The following PAK5 variants were observed in gnomAD, a reference collection of about 807,000 sequenced individuals.
The protein encoded by PAK5 is serine/threonine-protein kinase PAK 5.
In PAK5, 16 loss-of-function variants were observed where a neutral mutation model predicts 65.9. The observed-to-expected ratio is 0.24, with a 90% CI of 0.16 to 0.37. PAK5 has a LOEUF of 0.37. PAK5 is among the 10% of genes least tolerant of loss of function. The pLI is 1.00. For synonymous variants in PAK5, 371 were observed against 354.9 expected (o/e 1.05, Z -0.51); for missense variants, 785 against 903.9 (o/e 0.87, Z 1.69).
chr20:9,600,361 A>T (rs2046338735), intron 3 of PAK5, among the ~76,000 whole-genome samples: 1 of 152,130 alleles, frequency 6.6e-6, no homozygotes, highest in African/African-American at 2.4e-5. Flanking sequence ...GAATTTTAGG[A>T]TGGTTTTCCT....
chr20:9,774,615 A>G (rs1345610231), intron 1 of PAK5, among the ~76,000 whole-genome samples: 1 of 152,178 alleles, frequency 6.6e-6, no homozygotes, highest in Non-Finnish European at 1.5e-5. Context: ...TCTTCATCAG[A>G]TGAATGAATA....
intron 3 of PAK5, among the ~76,000 whole-genome samples, chr20:9,605,756 C>A (rs2046442253): frequency 6.6e-6 from 1 of 152,098 alleles, no homozygotes; most frequent in African/African-American, 2.4e-5. Context: ...TGGTAAGACC[C>A]CGTCTCTACT....
At chr20:9,664,176 G>A (rs969204527) in intron 2 of PAK5, among the ~76,000 whole-genome samples, 8 of 152,166 alleles carry the variant, frequency 5.3e-5, no homozygotes, top group Non-Finnish European at 5.9e-5. Context: ...ATAGAGTGAC[G>A]TGTCTTCTCT....
chr20:9,605,072 A>C (rs1021361758), intron 3 of PAK5, among the ~76,000 whole-genome samples: 1 of 152,170 alleles, frequency 6.6e-6, no homozygotes, highest in Admixed American at 6.5e-5. Context: ...AATGAGAGAA[A>C]TCCACATTGG....
intron 2 of PAK5, among the ~76,000 whole-genome samples, chr20:9,693,739 A>G (rs550861471): frequency 2.0e-5 from 3 of 152,172 alleles, no homozygotes; most frequent in Admixed American, 1.3e-4. Flanking sequence ...AACACTTTAT[A>G]AAGATACGCA....
At chr20:9,706,199 G>A (rs967689996) in intron 2 of PAK5, among the ~76,000 whole-genome samples, 3 of 152,068 alleles carry the variant, frequency 2.0e-5, no homozygotes, top group Non-Finnish European at 4.4e-5. Context: ...CTAGAGCCTC[G>A]GAATTTGCTT....
chr20:9,653,273 G>T lies in PAK5; in HGVS notation c.-11-8934C>A, dbSNP rs1250277306. Reference sequence around the variant, plus strand: ...CTCAGAAAAACTGCATGGAAAGTGTGTTAAATATAACAATCAAAAGCCACT... The same window carrying T: ...CTCAGAAAAACTGCATGGAAAGTGTTTTAAATATAACAATCAAAAGCCACT... On this transcript the variant is annotated intron_variant, in intron 2 of 9. Coordinates refer to ENST00000353224, the MANE Select transcript of PAK5 (RefSeq NM_177990.4). Among the ~76,000 whole-genome samples the T allele has an allele frequency of 2.0e-5, 3 of 152,260 alleles. No individual in the cohort carries two copies. The East Asian group carries it at 5.8e-4, about 29-fold the overall frequency.
At chr20:9,635,087 G>C (rs1353860628) in intron 3 of PAK5, among the ~76,000 whole-genome samples, 1 of 152,010 alleles carries the variant, frequency 6.6e-6, no homozygotes, top group Non-Finnish European at 1.5e-5. Context: ...TTTTATAATT[G>C]CTTTTACTTT....
intron 1 of PAK5, among the ~76,000 whole-genome samples, chr20:9,724,338 C>T (rs1483481207): frequency 2.0e-5 from 3 of 152,176 alleles, no homozygotes; most frequent in Non-Finnish European, 4.4e-5. Context: ...CCTTCAGCTA[C>T]TTATTTGTCA....
At chr20:9,563,156 A>G (rs943548397) in intron 5 of PAK5, 132 bp from the exon 6 acceptor site, 5 of 811,482 alleles carry the variant, frequency 6.2e-6, no homozygotes, top group Non-Finnish European at 1.0e-5. Flanking sequence ...CAGAAAATCT[A>G]TTACAGACAA....
chr20:9,698,282 G>A (rs1205585224), intron 2 of PAK5, among the ~76,000 whole-genome samples: 1 of 152,050 alleles, frequency 6.6e-6, no homozygotes, highest in Non-Finnish European at 1.5e-5. Context: ...AAGTAGTTCA[G>A]GGTGGTAGAT....
intron 2 of PAK5, among the ~76,000 whole-genome samples, chr20:9,650,635 G>A (rs943983900): frequency 1.3e-5 from 2 of 152,076 alleles, no homozygotes; most frequent in Non-Finnish European, 2.9e-5. Flanking sequence ...TTTAGTTTGT[G>A]GGTATTCCTA....
chr20:9,742,972 T>C (rs1280780638), intron 1 of PAK5, among the ~76,000 whole-genome samples: 2 of 152,220 alleles, frequency 1.3e-5, no homozygotes, highest in African/African-American at 4.8e-5. Context: ...TTATTCCTGG[T>C]CTGCCTTGAT....
At position 9,698,535 on chromosome 20, in the gene PAK5, G is replaced by C. The variant is rs528640845; in HGVS notation, c.-12+12751C>G. On this transcript the variant is annotated intron_variant, in intron 2 of 9. Coordinates refer to ENST00000353224, the MANE Select transcript of PAK5 (RefSeq NM_177990.4). Reference sequence around the variant, plus strand: ...AAAGCACTTCATCTAAGGAATGTTTGCAGACATGCCATTTGGTTTGCTTTC... The same window carrying C: ...AAAGCACTTCATCTAAGGAATGTTTCCAGACATGCCATTTGGTTTGCTTTC... Among the ~76,000 whole-genome samples the C allele has an allele frequency of 1.9e-3, 293 of 152,290 alleles. 1 individual carries two copies. Among genetic ancestry groups the C allele is most frequent in the African/African-American group, 6.6e-3 (276 of 41,568 alleles).
intron 3 of PAK5, among the ~76,000 whole-genome samples, chr20:9,623,440 TTAAG>T (rs2046799234): frequency 2.0e-5 from 3 of 152,010 alleles, no homozygotes; most frequent in South Asian, 2.1e-4. Flanking sequence ...AAATAAAGCA[TTAAG>T]TAATAGGGAA....
intron 2 of PAK5, among the ~76,000 whole-genome samples, chr20:9,697,585 G>C (rs923851211): frequency 2.6e-5 from 4 of 152,024 alleles, no homozygotes; most frequent in Admixed American, 6.6e-5. Flanking sequence ...TAGCTAGCAT[G>C]ATGTCTTTCA....
chr20:9,781,843 C>T (rs998981639), intron 1 of PAK5, among the ~76,000 whole-genome samples: 1 of 152,134 alleles, frequency 6.6e-6, no homozygotes, highest in Non-Finnish European at 1.5e-5. Context: ...TGAGCCACCA[C>T]CCACTCTCTC....
At chr20:9,596,589 T>C (rs2046271376) in intron 3 of PAK5, among the ~76,000 whole-genome samples, 2 of 124,202 alleles carry the variant, frequency 1.6e-5, no homozygotes, top group South Asian at 4.8e-4. Flanking sequence ...TGAGCTGAGA[T>C]AGCACTACTG....
chr20:9,622,425 T>C (rs1034667943), intron 3 of PAK5, among the ~76,000 whole-genome samples: 5 of 152,226 alleles, frequency 3.3e-5, no homozygotes, highest in Admixed American at 3.3e-4. Flanking sequence ...ATTTACATGA[T>C]CACAGAAAGT....
Sources: allele counts gnomAD v4.1 joint callset (sites outside exome capture counted in the v4.1 genomes callset), GRCh38; gene constraint gnomAD v4.1.1; transcripts MANE v1.5; gene names NCBI Gene and HGNC (gene_info 2026-07-23, HGNC 2026-07-21).